The following CLMP variants were observed in gnomAD, a reference collection of about 807,000 sequenced individuals.
CLMP encodes CXADR like cell adhesion molecule.
CLMP carries 27 observed loss-of-function variants against 45.2 expected under a neutral mutation model. The ratio of observed to expected loss-of-function variants is 0.60; its 90% confidence interval spans 0.44 to 0.82. The LOEUF is 0.82. Among genes scored for constraint, CLMP ranks in the 40% least tolerant of loss-of-function variants. CLMP has a pLI of 0.00. For missense variants in CLMP, 403 were observed against 448.4 expected, an observed-to-expected ratio of 0.90 and a Z score of 0.91; for synonymous variants, 167 against 171.4, an observed-to-expected ratio of 0.97 and a Z score of 0.20.
intron 1 of CLMP, among the ~76,000 whole-genome samples, chr11:123,110,436 A>G (rs946437609): frequency 6.7e-6 from 1 of 149,168 alleles, no homozygotes; most frequent in Non-Finnish European, 1.5e-5. Context: ...CCTGGGTGAC[A>G]GAGCGAGACT....
chr11:123,121,748 G>A (rs926671473), intron 1 of CLMP, among the ~76,000 whole-genome samples: 1 of 152,106 alleles, frequency 6.6e-6, no homozygotes, highest in Non-Finnish European at 1.5e-5. Context: ...TAACCACTGG[G>A]GTTTCAGCCA....
At chr11:123,191,431 T>C (rs1225242697) in intron 1 of CLMP, 1 of 152,236 alleles carries the variant, frequency 6.6e-6, no homozygotes, top group East Asian at 1.9e-4. Flanking sequence ...GGACTATGCA[T>C]TCATGCCTTC....
intron 2 of CLMP, among the ~76,000 whole-genome samples, chr11:123,094,461 T>C (rs548189080): frequency 5.4e-4 from 82 of 152,306 alleles, no homozygotes; most frequent in African/African-American, 1.9e-3. Context: ...CTTAGGCAAT[T>C]TGTTCACTAT....
intron 5 of CLMP, 131 bp downstream of exon 5, chr11:123,082,954 T>C: frequency 9.3e-7 from 1 of 1,078,794 alleles, no homozygotes; most frequent in Non-Finnish European, 1.3e-6. Flanking sequence ...ATTTTGGTGA[T>C]AGCCATATCC....
chr11:123,127,896 G>C (rs776353842), intron 1 of CLMP, among the ~76,000 whole-genome samples: 1 of 152,026 alleles, frequency 6.6e-6, no homozygotes, highest in Non-Finnish European at 1.5e-5. Context: ...AAAATTAGCC[G>C]GGCGTGGTGG....
chr11:123,087,902 G>A (rs914017898), intron 2 of CLMP, among the ~76,000 whole-genome samples: 21 of 151,164 alleles, frequency 1.4e-4, no homozygotes, highest in Admixed American at 2.6e-4. Flanking sequence ...GGTAGGTTTC[G>A]TTTTGTTTCT....
At chr11:123,179,568 G>A (rs1397377592) in intron 1 of CLMP, among the ~76,000 whole-genome samples, 2 of 152,184 alleles carry the variant, frequency 1.3e-5, no homozygotes, top group African/African-American at 4.8e-5. Context: ...CTAGGAGGGG[G>A]TTTGGAAATT....
intron 1 of CLMP, among the ~76,000 whole-genome samples, chr11:123,156,595 G>A (rs1327320139): frequency 6.6e-6 from 1 of 152,194 alleles, no homozygotes; most frequent in Non-Finnish European, 1.5e-5. Context: ...AGGGTCTTTT[G>A]TCCCAAGCAT....
intron 1 of CLMP, among the ~76,000 whole-genome samples, chr11:123,131,949 A>G (rs1860996013): frequency 6.6e-6 from 1 of 152,186 alleles, no homozygotes; most frequent in African/African-American, 2.4e-5. Context: ...TACGTTTATC[A>G]TCTATAAAAT....
chr11:123,193,645 C>A (rs1861939112), intron 1 of CLMP, among the ~76,000 whole-genome samples: 4 of 152,208 alleles, frequency 2.6e-5, no homozygotes, highest in Admixed American at 2.6e-4. Flanking sequence ...GATGGGTATG[C>A]ATACAGTATA....
At chr11:123,081,180 A>C (rs1198573839) in intron 5 of CLMP, among the ~76,000 whole-genome samples, 2 of 133,586 alleles carry the variant, frequency 1.5e-5, no homozygotes, top group East Asian at 2.6e-4. Context: ...AAAAAAACCA[A>C]CAACAAAAAA....
chr11:123,185,387 GGAGA>G (rs149937458), intron 1 of CLMP, among the ~76,000 whole-genome samples: 53 of 149,622 alleles, frequency 3.5e-4, no homozygotes, highest in African/African-American at 1.1e-3. Context: ...TGGCGCCAGG[GGAGA>G]GAGAGAGAGA....
At chr11:123,098,915 G>A (rs566937634) in intron 1 of CLMP, among the ~76,000 whole-genome samples, 1 of 151,940 alleles carries the variant, frequency 6.6e-6, no homozygotes, top group Non-Finnish European at 1.5e-5. Context: ...GGCTAGTCTT[G>A]AACTCTTGAC....
chr11:123,184,459 G>A (rs191387684), intron 1 of CLMP, among the ~76,000 whole-genome samples: 140 of 152,272 alleles, frequency 9.2e-4, no homozygotes, highest in African/African-American at 3.2e-3. Context: ...TGTTTCTTCT[G>A]CTCATGCTGC....
At position 123,071,341 on chromosome 11, in the gene CLMP, A is replaced by T. The variant is rs1017896725; in HGVS notation, c.*2133T>A. 1 of 152,268 alleles carries T rather than the reference A, an allele frequency of 6.6e-6. No homozygotes were observed. Among genetic ancestry groups the T allele is most frequent in the African/African-American group, 2.4e-5 (1 of 41,442 alleles). The allele number at this position is 152,268 out of a possible 1,614,324, so 9.4% of individuals were successfully genotyped here. On this transcript the variant is annotated 3_prime_UTR_variant, in exon 7 of 7. Transcript: ENST00000448775. ...TCCAAGCTACTTGGGGGACTGAGGA[A>T]GGAGAATCGCTTGAACTCGGGAGGT...
intron 1 of CLMP, among the ~76,000 whole-genome samples, chr11:123,105,330 G>T (rs1860526425): frequency 6.6e-6 from 1 of 151,528 alleles, no homozygotes. Context: ...CCTCTAAAAG[G>T]TATTTACATT....
chr11:123,098,025 A>G, intron 1 of CLMP, 73 bp from the exon 2 acceptor site: 1 of 1,273,334 alleles, frequency 7.9e-7, no homozygotes, highest in South Asian at 1.8e-5. Flanking sequence ...TATGACAACA[A>G]AGAATTATGG....
intron 1 of CLMP, among the ~76,000 whole-genome samples, chr11:123,144,698 G>A (rs1424745401): frequency 1.3e-5 from 2 of 152,152 alleles, no homozygotes; most frequent in African/African-American, 4.8e-5. Context: ...GGTAAACTGA[G>A]GCTAAATGGA....
intron 5 of CLMP, among the ~76,000 whole-genome samples, chr11:123,077,190 G>C (rs1368333360): frequency 6.6e-6 from 1 of 151,430 alleles, no homozygotes; most frequent in Non-Finnish European, 1.5e-5. Context: ...GTAGAGACAG[G>C]GTTTCACCAT....
Sources: gnomAD v4.1 joint callset for allele counts (sites outside exome capture counted in the v4.1 genomes callset) on GRCh38, gnomAD v4.1.1 for gene constraint, MANE v1.5 for transcripts, NCBI Gene and HGNC (gene_info 2026-07-23, HGNC 2026-07-21) for gene names.